Variants in RYR2 observed in about 807,000 individuals in gnomAD.
RYR2 encodes the protein cardiac muscle ryanodine receptor-calcium release channel.
Under a neutral mutation model 601.1 loss-of-function variants are expected in RYR2, and 227 were observed. The observed-to-expected ratio is 0.38, with a 90% CI of 0.34 to 0.42. The LOEUF (loss-of-function observed/expected upper bound fraction) is 0.42, where lower values mean the gene tolerates loss of function less well. Ranked by LOEUF, RYR2 falls within the 10% of genes least tolerant of loss-of-function variation. The probability of loss-of-function intolerance (pLI) is 1.00; values close to 1 mark genes in which losing one functional copy is unlikely to be tolerated. For missense variants in RYR2, 4,646 were observed against 6,156.5 expected, an observed-to-expected ratio of 0.75 and a Z score of 8.21; for synonymous variants, 2,223 against 2,175.1, an observed-to-expected ratio of 1.02 and a Z score of -0.61.
chr1:237,814,938 A>G (rs1661627724), intron 100 of RYR2, among the ~76,000 whole-genome samples: 1 of 151,412 alleles, frequency 6.6e-6, no homozygotes, highest in Admixed American at 6.6e-5. Context: ...CTTTCCCAAC[A>G]AATAATCTGC....
intron 1 of RYR2, among the ~76,000 whole-genome samples, chr1:237,265,471 A>T (rs922205221): frequency 6.6e-6 from 1 of 151,970 alleles, no homozygotes; most frequent in Non-Finnish European, 1.5e-5. Context: ...ACATGTGCAC[A>T]CTACCACACC....
chr1:237,091,529 A>G (rs1478045397), intron 1 of RYR2, among the ~76,000 whole-genome samples: 1 of 151,816 alleles, frequency 6.6e-6, no homozygotes, highest in African/African-American at 2.4e-5. Context: ...GGTTCAAGCA[A>G]TTCTCCTGCC....
chr1:237,190,435 C>T (rs1388178509), intron 1 of RYR2, among the ~76,000 whole-genome samples: 2 of 152,132 alleles, frequency 1.3e-5, no homozygotes, highest in East Asian at 3.9e-4. Flanking sequence ...GTCCTTTGCC[C>T]ATTTCAAAAT....
At chr1:237,122,865 G>A (rs2148657110) in intron 1 of RYR2, among the ~76,000 whole-genome samples, 1 of 139,526 alleles carries the variant, frequency 7.2e-6, no homozygotes, top group East Asian at 2.2e-4. Context: ...TAATTTCCTT[G>A]AAGGTTAACA....
intron 1 of RYR2, among the ~76,000 whole-genome samples, chr1:237,130,386 C>T (rs1672031269): frequency 6.6e-6 from 1 of 152,100 alleles, no homozygotes; most frequent in Non-Finnish European, 1.5e-5. Context: ...AGACCAATAG[C>T]CTGGCTATTA....
intron 8 of RYR2, among the ~76,000 whole-genome samples, chr1:237,380,773 T>G (rs10754600): frequency 0.15 from 22,458 of 151,568 alleles, 1,921 homozygotes; most frequent in East Asian, 0.38. Context: ...AGACCCTGTC[T>G]CTACTAAAAA....
intron 1 of RYR2, among the ~76,000 whole-genome samples, chr1:237,264,857 G>T (rs1222265398): frequency 6.6e-6 from 1 of 151,378 alleles, no homozygotes; most frequent in Admixed American, 6.6e-5. Context: ...CACCATGCCT[G>T]GTTAATTTTT....
chr1:237,505,428 T>C (rs998105685), intron 22 of RYR2, among the ~76,000 whole-genome samples: 1 of 152,248 alleles, frequency 6.6e-6, no homozygotes, highest in Non-Finnish European at 1.5e-5. Context: ...CCTCCAAAGC[T>C]TCAGTTGCTT....
intron 22 of RYR2, among the ~76,000 whole-genome samples, chr1:237,504,014 CTA>C (rs1324538699): frequency 7.9e-5 from 12 of 152,140 alleles, no homozygotes; most frequent in African/African-American, 2.4e-5. Context: ...GGCCTCTATT[CTA>C]TGTTTTAAGT....
At chr1:237,565,527 G>A (rs1476385568) in intron 27 of RYR2, among the ~76,000 whole-genome samples, 1 of 152,070 alleles carries the variant, frequency 6.6e-6, no homozygotes, top group Non-Finnish European at 1.5e-5. Context: ...CTACAGCTGT[G>A]AGCCACCACA....
intron 97 of RYR2, among the ~76,000 whole-genome samples, chr1:237,801,557 A>AAAAG (rs34809152): frequency 6.6e-6 from 1 of 150,972 alleles, no homozygotes; most frequent in Non-Finnish European, 1.5e-5. Flanking sequence ...AAAAAAAAAA[A>AAAAG]TGTTAATACT....
chr1:237,180,600 ATATATATG>A lies in RYR2; in HGVS notation c.49-89875_49-89868del, dbSNP rs1553332386. Reference sequence around the variant, plus strand: ...TGTGTGTATATATGTATATATAAGTATATATATGTATATATGTATATATGTATATGTGT... The same window carrying A: ...TGTGTGTATATATGTATATATAAGTATATATATGTATATATGTATATGTGT... On this transcript the variant is annotated intron_variant, in intron 1 of 104. Transcript: ENST00000366574. The surrounding 1 kb of genome is among the most constrained non-coding windows in gnomAD (Gnocchi z 5.3). Among the ~76,000 whole-genome samples the A allele has an allele frequency of 8.1e-6, 1 of 123,868 alleles. No individual in the cohort carries two copies. The highest frequency in any genetic ancestry group is 2.9e-5 in the African/African-American group (1 of 34,506). The allele number at this position is 123,868 out of a possible 152,430, so 81.3% of individuals were successfully genotyped here.
At chr1:237,747,016 ACTT>A (rs374374664) in intron 80 of RYR2, among the ~76,000 whole-genome samples, 26 of 152,208 alleles carry the variant, frequency 1.7e-4, no homozygotes, top group African/African-American at 6.3e-4. Context: ...TTAGATGGTT[ACTT>A]CTTTTATTGC....
intron 89 of RYR2, among the ~76,000 whole-genome samples, chr1:237,781,876 C>T (rs1387048946): frequency 6.6e-6 from 1 of 152,134 alleles, no homozygotes; most frequent in Non-Finnish European, 1.5e-5. Context: ...TACTTTATAA[C>T]AGTACTTTTC....
In RYR2 at chr1:237,456,592, C is replaced by A; in HGVS notation, c.1477-8C>A. On this transcript the variant is annotated splice_region_variant and splice_polypyrimidine_tract_variant and intron_variant, in intron 15 of 104. Transcript: ENST00000366574. ...TGATTGTGATTTTTTTTTTTTTTAACGTTCCAGGGAATGATCAACCTCGTG... is the reference window on the plus strand; with the variant it reads ...TGATTGTGATTTTTTTTTTTTTTAAAGTTCCAGGGAATGATCAACCTCGTG... The A allele has an allele frequency of 7.0e-7, 1 of 1,431,894 alleles. No individual in the cohort carries two copies. Among genetic ancestry groups the A allele is most frequent in the Non-Finnish European group, 9.2e-7 (1 of 1,083,996 alleles). 88.7% of individuals were successfully genotyped at this position (1,431,894 alleles called of 1,614,324 possible).
chr1:237,179,119 T>G (rs1678410972), intron 1 of RYR2, among the ~76,000 whole-genome samples: 1 of 152,204 alleles, frequency 6.6e-6, no homozygotes, highest in Non-Finnish European at 1.5e-5. Flanking sequence ...GCTCTCTTCT[T>G]CTTTAGGAAT....
chr1:237,094,743 C>T (rs35684355), intron 1 of RYR2, among the ~76,000 whole-genome samples: 46 of 152,252 alleles, frequency 3.0e-4, no homozygotes, highest in Non-Finnish European at 5.6e-4. Flanking sequence ...AGGCGCCCAC[C>T]ACCATGCCCA....
Position 237,742,300 on chromosome 1 carries a change from G to A in RYR2, c.11096G>A (p.Cys3699Tyr). 6.9e-7 allele frequency: 1 copy of A among 1,457,238 alleles called. No homozygotes were observed. Among genetic ancestry groups the A allele is most frequent in the South Asian group, 1.2e-5 (1 of 81,462 alleles). The allele number at this position is 1,457,238 out of a possible 1,614,324, so 90.3% of individuals were successfully genotyped here. A position where few individuals can be genotyped will look rare whatever the true frequency, so the allele number is the denominator to read the frequency against. ...MAYADIMAKS[C>Y]HDEEDDDGEE... ...TTTTTTTTTTTAAATATACAGAGTT[G>A]TCATGATGAGGAAGATGACGATGGT... The change falls in exon 80 of 105, where the codon TGT (cysteine) becomes TAT (tyrosine). Residue 3699 changes from cysteine (C) to tyrosine (Y), a missense_variant. Physicochemically the swap from Cys to Tyr is radical, Grantham distance 194 (BLOSUM62 -2). Coordinates refer to ENST00000366574, the MANE Select transcript of RYR2 (RefSeq NM_001035.3).
At chr1:237,055,635 A>G (rs1661899675) in intron 1 of RYR2, among the ~76,000 whole-genome samples, 2 of 152,154 alleles carry the variant, frequency 1.3e-5, no homozygotes, top group African/African-American at 4.8e-5. Flanking sequence ...AATCAGGAGG[A>G]AGGGGAGGTT....
Sources: allele counts gnomAD v4.1 joint callset (sites outside exome capture counted in the v4.1 genomes callset), GRCh38; gene constraint gnomAD v4.1.1; non-coding constraint Gnocchi (gnomAD v3.1); transcripts MANE v1.5; gene names NCBI Gene and HGNC (gene_info 2026-07-23, HGNC 2026-07-21).